Variants in CPPED1 observed in about 807,000 individuals in gnomAD.
CPPED1 encodes calcineurin like phosphoesterase domain containing 1.
Under a neutral mutation model 28.0 loss-of-function variants are expected in CPPED1, and 28 were observed. That is an observed-to-expected ratio of 1.00 (90% CI 0.74 to 1.37). The LOEUF is 1.37. CPPED1 is among the 40% of genes most tolerant of loss of function. The pLI, the probability that CPPED1 is intolerant of heterozygous loss-of-function variation, is 0.00. For missense variants in CPPED1, 504 were observed against 416.5 expected (o/e 1.21, Z -1.83); for synonymous variants, 198 against 180.2 (o/e 1.10, Z -0.79).
rs112782286 is a variant in CPPED1 at position 12,733,260 on chromosome 16, G to A, written c.290-28211C>T. Among the ~76,000 whole-genome samples, 1,019 of 148,224 alleles carry A rather than the reference G, an allele frequency of 6.9e-3. 6 individuals are homozygous for A. Among genetic ancestry groups the A allele is most frequent in the Middle Eastern group, 0.035 (10 of 282 alleles). ...TATTATAAATACTAAATGCTGATAC[G>A]ACCCGAATTAGGAATTTTTTTTTTT... is the stretch of plus-strand genomic sequence containing the variant. On this transcript the variant is annotated intron_variant, in intron 2 of 3. Transcript: ENST00000381774.
intron 3 of CPPED1, among the ~76,000 whole-genome samples, chr16:12,693,152 T>A (rs372238846): frequency 1.3e-5 from 2 of 152,100 alleles, no homozygotes; most frequent in East Asian, 3.9e-4. Context: ...ACCTTTAAGG[T>A]CCTGATAGAG....
At chr16:12,793,761 T>C (rs2080610403) in intron 1 of CPPED1, among the ~76,000 whole-genome samples, 1 of 152,108 alleles carries the variant, frequency 6.6e-6, no homozygotes, top group African/African-American at 2.4e-5. Flanking sequence ...CCACAGCACA[T>C]GGTGGGGCTG....
intron 2 of CPPED1, among the ~76,000 whole-genome samples, chr16:12,778,671 T>C (rs1168715462): frequency 6.6e-6 from 1 of 152,246 alleles, no homozygotes; most frequent in Non-Finnish European, 1.5e-5. Flanking sequence ...ATGTGCTAAG[T>C]AGTCAAAGCA....
At position 12,683,979 on chromosome 16, in the gene CPPED1, C is replaced by T. The variant is rs554829445; in HGVS notation, c.716-18864G>A. 2.5e-4 allele frequency among the ~76,000 whole-genome samples: 38 copies of T among 152,278 alleles called. 1 individual carries two copies. The South Asian group carries it at 6.8e-3, about 27-fold the overall frequency. On this transcript the variant is annotated intron_variant, in intron 3 of 3. Coordinates refer to ENST00000381774, the MANE Select transcript of CPPED1 (RefSeq NM_018340.3). Reference sequence around the variant, plus strand: ...TCAAGATCGCAAGATGGCTGCAGGGCTTCCGGGCACTGGGTCCAAGTTCCA... The same window carrying T: ...TCAAGATCGCAAGATGGCTGCAGGGTTTCCGGGCACTGGGTCCAAGTTCCA...
At chr16:12,787,405 CTTT>C (rs57802112) in intron 1 of CPPED1, among the ~76,000 whole-genome samples, 64 of 140,800 alleles carry the variant, frequency 4.5e-4, no homozygotes, top group South Asian at 1.8e-3. Context: ...ATTTTTCTTT[CTTT>C]TTTTTTTTTT....
chr16:12,697,980 T>A lies in CPPED1; in HGVS notation c.715+6644A>T, dbSNP rs571044536. ...CAAAAATTAGCCAGATGTGGTGGCG[T>A]GTGCCTGTAATCCCAGCTACTTGGG... is the stretch of plus-strand genomic sequence containing the variant. On this transcript the variant is annotated intron_variant, in intron 3 of 3. Transcript: ENST00000381774. 3.3e-5 allele frequency among the ~76,000 whole-genome samples: 5 copies of A among 152,160 alleles called. No homozygotes were observed. The South Asian group carries it at 1.0e-3, about 32-fold the overall frequency.
chr16:12,694,369 A>G (rs1048169396), intron 3 of CPPED1, among the ~76,000 whole-genome samples: 1 of 152,220 alleles, frequency 6.6e-6, no homozygotes, highest in Non-Finnish European at 1.5e-5. Flanking sequence ...TTTAGGAATC[A>G]GCAGCATACA....
chr16:12,768,858 T>C (rs2141231303), intron 2 of CPPED1, among the ~76,000 whole-genome samples: 1 of 144,576 alleles, frequency 6.9e-6, no homozygotes, highest in South Asian at 2.2e-4. Context: ...ACTGCCATTT[T>C]TTCTTTTTCT....
chr16:12,774,557 G>A (rs958689322), intron 2 of CPPED1, among the ~76,000 whole-genome samples: 7 of 151,988 alleles, frequency 4.6e-5, no homozygotes, highest in Non-Finnish European at 7.4e-5. Flanking sequence ...ACAATTTCTT[G>A]ATCTGTTATG....
chr16:12,770,776 C>A (rs544830084), intron 2 of CPPED1, among the ~76,000 whole-genome samples: 42 of 151,622 alleles, frequency 2.8e-4, no homozygotes, highest in African/African-American at 9.9e-4. Flanking sequence ...GAGCCGAGAT[C>A]GCGCCATTGC....
At chr16:12,740,470 TA>T (rs989748621) in intron 2 of CPPED1, among the ~76,000 whole-genome samples, 1 of 151,950 alleles carries the variant, frequency 6.6e-6, no homozygotes, top group African/African-American at 2.4e-5. Context: ...AGCTACTTTT[TA>T]AAAACCCGTA....
intron 2 of CPPED1, among the ~76,000 whole-genome samples, chr16:12,731,829 A>G (rs1386144279): frequency 6.6e-6 from 1 of 151,754 alleles, no homozygotes; most frequent in East Asian, 1.9e-4. Flanking sequence ...AACAACCCCA[A>G]TGGTAAGAAA....
chr16:12,674,885 G>A (rs112123205), intron 3 of CPPED1, among the ~76,000 whole-genome samples: 4 of 152,170 alleles, frequency 2.6e-5, no homozygotes, highest in Admixed American at 6.5e-5. Flanking sequence ...CAGAGGTCTG[G>A]GGGGGAGCAT....
rs918218580 is a variant in CPPED1, at chr16:12,683,387, C to G, written c.716-18272G>C. 3.3e-5 allele frequency among the ~76,000 whole-genome samples: 5 copies of G among 152,216 alleles called. No individual in the cohort carries two copies. In the East Asian group the frequency reaches 9.7e-4, roughly 29 times the overall value. ...GCCTTCCCCAGGCTCTGTCCATTCCCCTTCTCTCGTCCCTTTCCCTCTCAC... is the reference window on the plus strand; with the variant it reads ...GCCTTCCCCAGGCTCTGTCCATTCCGCTTCTCTCGTCCCTTTCCCTCTCAC... On this transcript the variant is annotated intron_variant, in intron 3 of 3. Transcript: ENST00000381774.
chr16:12,756,820 T>A (rs1048374303), intron 2 of CPPED1, among the ~76,000 whole-genome samples: 1 of 152,116 alleles, frequency 6.6e-6, no homozygotes, highest in African/African-American at 2.4e-5. Flanking sequence ...CCTATGGAAG[T>A]TTATGATACC....
chr16:12,781,697 A>G (rs973068555), intron 1 of CPPED1, among the ~76,000 whole-genome samples: 1 of 152,188 alleles, frequency 6.6e-6, no homozygotes, highest in African/African-American at 2.4e-5. Flanking sequence ...AGCACGGGCC[A>G]CAAGAGAACC....
intron 2 of CPPED1, chr16:12,760,458 A>G (rs1478733345): frequency 6.6e-6 from 1 of 152,230 alleles, no homozygotes; most frequent in African/African-American, 2.4e-5. Flanking sequence ...GGTGATCTCT[A>G]CTGGAATCCG....
chr16:12,732,031 C>G (rs1335920448), intron 2 of CPPED1, among the ~76,000 whole-genome samples: 1 of 151,916 alleles, frequency 6.6e-6, no homozygotes, highest in African/African-American at 2.4e-5. Context: ...GGCGTAGTGG[C>G]ACACGCCTGT....
rs759636350 is a variant in CPPED1, at chr16:12,803,767, C to A, written c.10G>T (p.Ala4Ser). 28 of 1,600,288 alleles carry A rather than the reference C, an allele frequency of 1.7e-5. No individual in the cohort carries two copies. The African/African-American group carries it at 3.5e-4, about 20-fold the overall frequency. ...CTGTGGAAAACACCCCCCGCCTCTG[C>A]AGCCGACATGGCGAGCGAGTTTCTG... MSAAEAGGVFHRAR... is the reference protein window; with the variant it reads MSASEAGGVFHRAR... Residue 4 changes from alanine to serine, a missense_variant, in exon 1 of 4, where the codon GCA (alanine) becomes TCA (serine). Transcript: ENST00000381774.
Sources: allele counts gnomAD v4.1 joint callset (sites outside exome capture counted in the v4.1 genomes callset), GRCh38; gene constraint gnomAD v4.1.1; transcripts MANE v1.5; gene names NCBI Gene and HGNC (gene_info 2026-07-23, HGNC 2026-07-21).